FHIT: variants seen among roughly 807,000 people sequenced by gnomAD.
FHIT encodes the protein fragile histidine triad diadenosine triphosphatase, also known as bis(5'-adenosyl)-triphosphatase.
Under a neutral mutation model 17.9 loss-of-function variants are expected in FHIT, and 19 were observed. The observed-to-expected ratio is 1.06, with a 90% CI of 0.74 to 1.56. FHIT has a LOEUF of 1.56. FHIT is among the 40% of genes most tolerant of loss of function. The pLI is 0.00. For missense variants in FHIT, 248 were observed against 189.2 expected, an observed-to-expected ratio of 1.31 and a Z score of -1.82; for synonymous variants, 81 against 69.7, an observed-to-expected ratio of 1.16 and a Z score of -0.81.
chr3:61,054,756 T>C lies in FHIT; in HGVS notation c.-163-12657A>G, dbSNP rs2034156626. 2.0e-5 allele frequency among the ~76,000 whole-genome samples: 3 copies of C among 152,164 alleles called. No homozygotes were observed. In the South Asian group the frequency reaches 6.2e-4, roughly 32 times the overall value. On this transcript the variant is annotated intron_variant, in intron 2 of 9. Coordinates refer to ENST00000492590, the MANE Select transcript of FHIT (RefSeq NM_002012.4). ...GTCTGGATGGACAGCTGTCTCCTCCTCTTCCATGTACCTAAGAATGACCTG... is the reference window on the plus strand; with the variant it reads ...GTCTGGATGGACAGCTGTCTCCTCCCCTTCCATGTACCTAAGAATGACCTG...
intron 7 of FHIT, among the ~76,000 whole-genome samples, chr3:59,999,424 T>G (rs184685068): frequency 6.6e-6 from 1 of 152,268 alleles, no homozygotes; most frequent in Admixed American, 6.5e-5. Context: ...TCACAGACTT[T>G]CATTCAAAGA....
chr3:61,182,451 T>G (rs1353781434), intron 2 of FHIT, among the ~76,000 whole-genome samples: 1 of 152,220 alleles, frequency 6.6e-6, no homozygotes, highest in South Asian at 2.1e-4. Flanking sequence ...ATATCCCCAC[T>G]GTAAATATCC....
chr3:60,673,922 T>C (rs2040565202), intron 4 of FHIT, among the ~76,000 whole-genome samples: 1 of 152,152 alleles, frequency 6.6e-6, no homozygotes, highest in African/African-American at 2.4e-5. Context: ...TTGCTAAACA[T>C]CTTCAACCTG....
At chr3:59,773,141 C>T (rs1702149128) in intron 8 of FHIT, among the ~76,000 whole-genome samples, 1 of 152,198 alleles carries the variant, frequency 6.6e-6, no homozygotes, top group African/African-American at 2.4e-5. Flanking sequence ...AAATCTTATT[C>T]TGTAAGGCCC....
intron 1 of FHIT, among the ~76,000 whole-genome samples, chr3:61,240,489 A>C (rs889827377): frequency 6.6e-6 from 1 of 152,180 alleles, no homozygotes; most frequent in African/African-American, 2.4e-5. Flanking sequence ...GGCCACTCAC[A>C]GTACCCCTCC....
chr3:60,510,587 A>T (rs2034912251), intron 5 of FHIT, among the ~76,000 whole-genome samples: 1 of 151,488 alleles, frequency 6.6e-6, no homozygotes, highest in Non-Finnish European at 1.5e-5. Flanking sequence ...TTTCATTAGA[A>T]AATGAGATCT....
At chr3:60,955,610 A>ATATATATACATATATATATATACATG (rs1709092706) in intron 3 of FHIT, among the ~76,000 whole-genome samples, 5 of 13,116 alleles carry the variant, frequency 3.8e-4, no homozygotes, top group Non-Finnish European at 7.2e-4. Flanking sequence ...ATATATATAT[A>ATATATATACATATATATATATACATG]TATATATATA....
intron 5 of FHIT, among the ~76,000 whole-genome samples, chr3:60,030,104 T>C (rs1411569612): frequency 6.6e-6 from 1 of 152,172 alleles, no homozygotes; most frequent in African/African-American, 2.4e-5. Flanking sequence ...TCAAACCTCC[T>C]GAACTCTGAA....
intron 5 of FHIT, among the ~76,000 whole-genome samples, chr3:60,355,449 T>C (rs1260566148): frequency 6.6e-6 from 1 of 151,956 alleles, no homozygotes; most frequent in Non-Finnish European, 1.5e-5. Flanking sequence ...CCATTTTCCA[T>C]GTTTACTAAA....
At position 60,132,449 on chromosome 3, in the gene FHIT, G is replaced by A. The variant is rs551687053; in HGVS notation, c.104-118297C>T. Among the ~76,000 whole-genome samples, 9 of 152,238 alleles carry A rather than the reference G, an allele frequency of 5.9e-5. No homozygotes were observed. In the East Asian group the frequency reaches 1.7e-3, roughly 29 times the overall value. On this transcript the variant is annotated intron_variant, in intron 5 of 9. Transcript: ENST00000492590. ...AAAAGTAAACCATTTGAAAAGGGGG[G>A]AAAAATTATAAGGCTAGCAAAAGTT...
At chr3:60,005,927 C>A (rs1024960914) in intron 7 of FHIT, among the ~76,000 whole-genome samples, 1 of 152,160 alleles carries the variant, frequency 6.6e-6, no homozygotes, top group Non-Finnish European at 1.5e-5. Flanking sequence ...CAGCCCCCTA[C>A]AAGTGCTTCT....
At chr3:60,881,313 A>G (rs1704965864) in intron 3 of FHIT, among the ~76,000 whole-genome samples, 1 of 152,230 alleles carries the variant, frequency 6.6e-6, no homozygotes, top group African/African-American at 2.4e-5. Flanking sequence ...TTCAATCCAA[A>G]GGGAGAGATA....
intron 4 of FHIT, among the ~76,000 whole-genome samples, chr3:60,569,939 T>G (rs1375399473): frequency 6.6e-6 from 1 of 151,700 alleles, no homozygotes; most frequent in Non-Finnish European, 1.5e-5. Flanking sequence ...TTCACCCAAA[T>G]GATACAATTC....
At chr3:59,803,080 A>G (rs1321468424) in intron 8 of FHIT, among the ~76,000 whole-genome samples, 1 of 152,088 alleles carries the variant, frequency 6.6e-6, no homozygotes, top group Non-Finnish European at 1.5e-5. Context: ...GCACGGGATG[A>G]ATGTTGGTTG....
chr3:61,131,464 T>C (rs973711412), intron 2 of FHIT, among the ~76,000 whole-genome samples: 2 of 152,236 alleles, frequency 1.3e-5, no homozygotes, highest in African/African-American at 4.8e-5. Flanking sequence ...AAGTGGACTG[T>C]CTGGGCCGAA....
chr3:60,972,600 T>C (rs1328413824), intron 3 of FHIT, among the ~76,000 whole-genome samples: 1 of 152,020 alleles, frequency 6.6e-6, no homozygotes, highest in African/African-American at 2.4e-5. Context: ...CATGGCTTGA[T>C]GTTATTCATT....
At chr3:60,100,593 A>G (rs149347510) in intron 5 of FHIT, among the ~76,000 whole-genome samples, 2 of 152,262 alleles carry the variant, frequency 1.3e-5, no homozygotes, top group East Asian at 3.9e-4. Context: ...TTCCAGTCCC[A>G]TCATTCCAGA....
chr3:60,458,929 C>T (rs1559931599), intron 5 of FHIT, among the ~76,000 whole-genome samples: 1 of 148,522 alleles, frequency 6.7e-6, no homozygotes, highest in Non-Finnish European at 1.5e-5. Context: ...ATGTACACCA[C>T]CACACCTGGC....
chr3:60,856,511 A>C (rs1320399616), intron 3 of FHIT: 1 of 152,258 alleles, frequency 6.6e-6, no homozygotes, highest in East Asian at 1.9e-4. Flanking sequence ...GGGAGAGAAC[A>C]TTGCATATCT....
Sources: gnomAD v4.1 joint callset for allele counts (sites outside exome capture counted in the v4.1 genomes callset) on GRCh38, gnomAD v4.1.1 for gene constraint, MANE v1.5 for transcripts, NCBI Gene and HGNC (gene_info 2026-07-23, HGNC 2026-07-21) for gene names.